Variants in SCAF8 observed in about 807,000 individuals in gnomAD.
SCAF8 encodes SR-related and CTD-associated factor 8.
In SCAF8, 23 loss-of-function variants were observed where a neutral mutation model predicts 140.5. That is an observed-to-expected ratio of 0.16 (90% CI 0.12 to 0.23). The LOEUF is 0.23. Ranked by LOEUF, SCAF8 falls within the 10% of genes least tolerant of loss-of-function variation. The pLI is 1.00. For synonymous variants in SCAF8, 575 were observed against 528.9 expected (o/e 1.09, Z -1.20); for missense variants, 1,397 against 1,555.7 (o/e 0.90, Z 1.72).
At chr6:154,769,896 C>G (rs924029915) in intron 1 of SCAF8, among the ~76,000 whole-genome samples, 1 of 152,102 alleles carries the variant, frequency 6.6e-6, no homozygotes, top group African/African-American at 2.4e-5. Context: ...ACCTTATTCT[C>G]CAGTACGAGA....
chr6:154,757,770 C>T (rs1475856150), intron 1 of SCAF8, among the ~76,000 whole-genome samples: 1 of 152,202 alleles, frequency 6.6e-6, no homozygotes, highest in African/African-American at 2.4e-5. Context: ...TATACATGTA[C>T]ATATGCCTCT....
chr6:154,784,212 A>G (rs1226209355), intron 3 of SCAF8, among the ~76,000 whole-genome samples: 1 of 143,994 alleles, frequency 6.9e-6, no homozygotes, highest in East Asian at 2.1e-4. Context: ...GACTTTTATC[A>G]TGAGTATACC....
At chr6:154,794,769 GGGGT>G (rs1777539786) in intron 5 of SCAF8, among the ~76,000 whole-genome samples, 8 of 83,552 alleles carry the variant, frequency 9.6e-5, no homozygotes, top group Admixed American at 3.8e-4. Context: ...TGGGGGGGGG[GGGGT>G]GTGGGGGGTG....
chr6:154,802,034 G>C lies in SCAF8; in HGVS notation c.670G>C (p.Ala224Pro). 1 of 1,612,448 alleles carries C rather than the reference G, an allele frequency of 6.2e-7. No homozygotes were observed. The highest frequency in any genetic ancestry group is 1.7e-5 in the Admixed American group (1 of 59,856). ...QQKPQPSILQALDAGLVVQLQ... is the reference protein window; with the variant it reads ...QQKPQPSILQPLDAGLVVQLQ... ...GAAGCCCCAGCCTTCCATTCTGCAG[G>C]CCCTAGATGCTGGTCTTGTTGTTCA... The change falls in exon 7 of 20, where the codon GCC becomes CCC. Residue 224 changes from alanine to proline, a missense_variant. Ala to Pro is a conservative substitution (Grantham distance 27). This residue lies in a region of SCAF8 where 339 missense variants were observed against 407.5 expected (regional missense o/e 0.83). Transcript: ENST00000367178.
intron 4 of SCAF8, among the ~76,000 whole-genome samples, chr6:154,791,627 C>T (rs1777421834): frequency 7.5e-6 from 1 of 132,854 alleles, no homozygotes; most frequent in Non-Finnish European, 1.6e-5. Context: ...AATGAGGATG[C>T]TAAAGTTTTT....
In SCAF8 at chr6:154,832,064, G is replaced by A. The variant is rs376913054; in HGVS notation, c.2485G>A (p.Val829Ile). Residue 829 changes from valine (V) to isoleucine (I), a missense_variant, in exon 20 of 20, where the codon GTC becomes ATC. Val to Ile is a conservative substitution (Grantham distance 29). Around this residue, in one of 5 missense-constraint regions of SCAF8, gnomAD observed 930 missense variants for 874.6 expected, o/e 1.06. Coordinates refer to ENST00000367178, the MANE Select transcript of SCAF8 (RefSeq NM_014892.5). ...NVSSNSEILG[V>I]RPSNVSSSSG... ...ATCAAGTAATTCTGAAATTCTTGGGGTCCGGCCATCTAATGTTTCCAGTAG... is the reference window on the plus strand; with the variant it reads ...ATCAAGTAATTCTGAAATTCTTGGGATCCGGCCATCTAATGTTTCCAGTAG... The A allele has an allele frequency of 1.2e-6, 2 of 1,613,940 alleles. No individual in the cohort carries two copies. The highest frequency in any genetic ancestry group is 2.7e-5 in the African/African-American group (2 of 74,882).
rs116941846 is a variant in SCAF8 at position 154,773,416 on chromosome 6, G to A, written c.31-573G>A. On this transcript the variant is annotated intron_variant, in intron 1 of 19. Transcript: ENST00000367178. ...TTCTTTTTATGGCTCATATTTCGTC[G>A]AATAGATACATTTGTTTACTCATTA... is the stretch of plus-strand genomic sequence containing the variant. Among the ~76,000 whole-genome samples the A allele has an allele frequency of 5.7e-4, 86 of 152,120 alleles. 1 individual carries two copies. In the East Asian group the frequency reaches 0.012, roughly 21 times the overall value.
intron 1 of SCAF8, among the ~76,000 whole-genome samples, chr6:154,746,407 A>G (rs1778700118): frequency 6.6e-6 from 1 of 152,130 alleles, no homozygotes; most frequent in East Asian, 1.9e-4. Context: ...TAGAACTGTA[A>G]ATTATATATA....
chr6:154,822,212 T>C, intron 15 of SCAF8, 64 bp from the exon 16 acceptor site: 2 of 1,515,592 alleles, frequency 1.3e-6, no homozygotes, highest in South Asian at 1.3e-5. Context: ...AATAAATGAA[T>C]ACAAAGAAGA....
At position 154,778,218 on chromosome 6, in the gene SCAF8, A is replaced by G. The variant is rs534244650; in HGVS notation, c.159+173A>G. On this transcript the variant is annotated intron_variant, in intron 3 of 19. Transcript: ENST00000367178. ...ATAAAAGTGCCTTTCAGATAATTTT[A>G]CTTAGGTTTGTATTCTGCCTATGTT... Among the ~76,000 whole-genome samples the G allele has an allele frequency of 6.6e-5, 10 of 152,314 alleles. No individual in the cohort carries two copies. The East Asian group carries it at 1.9e-3, about 29-fold the overall frequency.
chr6:154,770,388 ACTCTCT>A (rs58596375), intron 1 of SCAF8, among the ~76,000 whole-genome samples: 3,584 of 141,942 alleles, frequency 0.025, 105 homozygotes, highest in African/African-American at 0.065. Flanking sequence ...ACACACACAC[ACTCTCT>A]CTCTCTCTCT....
chr6:154,819,401 A>G (rs1221042749), intron 14 of SCAF8, among the ~76,000 whole-genome samples: 2 of 152,052 alleles, frequency 1.3e-5, no homozygotes, highest in African/African-American at 4.8e-5. Context: ...AGCAGCCTGG[A>G]CAACATGGCG....
intron 3 of SCAF8, among the ~76,000 whole-genome samples, chr6:154,778,620 C>T (rs921729250): frequency 2.0e-5 from 3 of 152,004 alleles, no homozygotes; most frequent in Non-Finnish European, 2.9e-5. Context: ...CAAAAATTAG[C>T]TGACCTGGTA....
In SCAF8 at chr6:154,818,522, G is replaced by C; in HGVS notation, c.1565G>C (p.Arg522Pro). Reference protein sequence around the residue: ...RGCAYVCMVHRQDAFRALQKL... With the variant: ...RGCAYVCMVHPQDAFRALQKL... The stretch of plus-strand genomic sequence containing the variant: ...TGTGCTTATGTCTGCATGGTTCATC[G>C]ACAAGATGCATTTCGAGCTCTTCAG... The change falls in exon 14 of 20, where the codon CGA (arginine) becomes CCA (proline). Residue 522 changes from arginine to proline, a missense_variant. Arg to Pro is a moderately radical substitution (Grantham distance 103). This residue lies in a region of SCAF8 where 59 missense variants were observed against 110.7 expected (regional missense o/e 0.53). Coordinates refer to ENST00000367178, the MANE Select transcript of SCAF8 (RefSeq NM_014892.5). 6.2e-7 allele frequency: 1 copy of C among 1,609,216 alleles called. No individual in the cohort carries two copies. Among genetic ancestry groups the C allele is most frequent in the Non-Finnish European group, 8.5e-7 (1 of 1,177,726 alleles).
intron 2 of SCAF8, among the ~76,000 whole-genome samples, chr6:154,775,292 C>T (rs2114848114): frequency 6.6e-6 from 1 of 152,224 alleles, no homozygotes; most frequent in African/African-American, 2.4e-5. Flanking sequence ...GGAAATGTTT[C>T]AAAGACATGA....
chr6:154,820,691 A>AT (rs891108715), intron 15 of SCAF8, among the ~76,000 whole-genome samples: 12 of 152,338 alleles, frequency 7.9e-5, no homozygotes, highest in Admixed American at 5.2e-4. Flanking sequence ...TTTGCAGATT[A>AT]TTTTGAGTAG....
rs74493963 is a variant in SCAF8, at chr6:154,770,101, G to A, written c.31-3888G>A. ...ATATATTAAAATTCCCTGTGAGTTT[G>A]ACACAGATCTTAACTTCAAGAGTTT... is the stretch of plus-strand genomic sequence containing the variant. On this transcript the variant is annotated intron_variant, in intron 1 of 19. Coordinates refer to ENST00000367178, the MANE Select transcript of SCAF8 (RefSeq NM_014892.5). Among the ~76,000 whole-genome samples the A allele has an allele frequency of 2.0e-3, 297 of 152,298 alleles. 1 individual carries two copies. The highest frequency in any genetic ancestry group is 6.7e-3 in the African/African-American group (277 of 41,554).
chr6:154,820,370 GTA>G, intron 15 of SCAF8, 37 bp downstream of exon 15: 2 of 1,548,348 alleles, frequency 1.3e-6, no homozygotes, highest in Non-Finnish European at 1.8e-6. Context: ...TTAAAAAAAA[GTA>G]TGCTTAGAAG....
rs550024317 is a variant in SCAF8, at chr6:154,807,777, A to G, written c.982-293A>G. 1.4e-3 allele frequency among the ~76,000 whole-genome samples: 208 copies of G among 151,938 alleles called. 2 individuals are homozygous for G. Among genetic ancestry groups the G allele is most frequent in the African/African-American group, 4.8e-3 (197 of 41,232 alleles). ...TTATGTATTTTTCATGCTATAATTTATTTATTAGTCCTCTGTAGTTTATAT... is the reference window on the plus strand; with the variant it reads ...TTATGTATTTTTCATGCTATAATTTGTTTATTAGTCCTCTGTAGTTTATAT... On this transcript the variant is annotated intron_variant, in intron 9 of 19. Transcript: ENST00000367178.
Sources: gnomAD v4.1 joint callset for allele counts (sites outside exome capture counted in the v4.1 genomes callset) on GRCh38, gnomAD v4.1.1 for gene constraint, gnomAD v4.1.1 regional missense constraint, MANE v1.5 for transcripts, NCBI Gene and HGNC (gene_info 2026-07-23, HGNC 2026-07-21) for gene names.